RFX3: variants seen among roughly 807,000 people sequenced by gnomAD.
RFX3 encodes the protein transcription factor RFX3.
Under a neutral mutation model 98.6 loss-of-function variants are expected in RFX3, and 14 were observed. The ratio of observed to expected loss-of-function variants is 0.14; its 90% CI spans 0.09 to 0.22. The LOEUF (loss-of-function observed/expected upper bound fraction) is 0.22. RFX3 is among the 10% of genes least tolerant of loss of function. The probability of loss-of-function intolerance (pLI) is 1.00; values close to 1 mark genes in which losing one functional copy is unlikely to be tolerated. For missense variants in RFX3, 639 were observed against 926.9 expected (o/e 0.69, Z 4.03); for synonymous variants, 383 against 328.4 (o/e 1.17, Z -1.80).
chr9:3,524,854 CA>C lies in RFX3; in HGVS notation c.-9+892del, dbSNP rs1195906245. 1.4e-4 allele frequency among the ~76,000 whole-genome samples: 21 copies of C among 151,200 alleles called. No homozygotes were observed. In the South Asian group the frequency reaches 2.3e-3, roughly 17 times the overall value. On this transcript the variant is annotated intron_variant, in intron 1 of 16. Transcript: ENST00000617270. ...ACACACACACACACACACACACACA[CA>C]CACACACACACACACACACACACCA...
intron 1 of RFX3, among the ~76,000 whole-genome samples, chr9:3,491,038 C>T (rs542579222): frequency 2.0e-5 from 3 of 152,160 alleles, no homozygotes; most frequent in South Asian, 2.1e-4. Flanking sequence ...TAAAGAGCAT[C>T]GTAGTTACCC....
chr9:3,375,310 T>C (rs1337200287), intron 2 of RFX3, among the ~76,000 whole-genome samples: 1 of 152,210 alleles, frequency 6.6e-6, no homozygotes, highest in Non-Finnish European at 1.5e-5. Context: ...GCTGTGCACA[T>C]GTCTGCCATT....
intron 1 of RFX3, among the ~76,000 whole-genome samples, chr9:3,401,142 A>G (rs1463818842): frequency 3.3e-5 from 5 of 152,242 alleles, no homozygotes; most frequent in African/African-American, 1.2e-4. Context: ...CTCTTTCAAC[A>G]GAGACCATAA....
chr9:3,478,866 A>G (rs565179197), intron 1 of RFX3, among the ~76,000 whole-genome samples: 1 of 152,290 alleles, frequency 6.6e-6, no homozygotes, highest in South Asian at 2.1e-4. Flanking sequence ...CATTTTGCCA[A>G]CAGTTTGCTA....
chr9:3,423,800 T>TATATACAC (rs1554704364), intron 1 of RFX3, among the ~76,000 whole-genome samples: 2 of 133,506 alleles, frequency 1.5e-5, no homozygotes, highest in East Asian at 4.1e-4. Context: ...TATATATATA[T>TATATACAC]ATATATATAT....
intron 1 of RFX3, among the ~76,000 whole-genome samples, chr9:3,424,372 T>TGG (rs1285931862): frequency 0.021 from 2,556 of 122,930 alleles, 38 homozygotes; most frequent in Non-Finnish European, 0.035. Context: ...TTTTTTTTTT[T>TGG]TTTTTTTGAG....
intron 1 of RFX3, among the ~76,000 whole-genome samples, chr9:3,494,226 A>G (rs1293928216): frequency 6.6e-6 from 1 of 152,184 alleles, no homozygotes; most frequent in Non-Finnish European, 1.5e-5. Flanking sequence ...ATATATTTGC[A>G]TAGACTCTGG....
Position 3,525,778 on chromosome 9 carries a change from G to T in RFX3, c.-40C>A. On this transcript the variant is annotated 5_prime_UTR_variant, in exon 1 of 17. Transcript: ENST00000617270. ...TGTGGATTATTGTGGTGTTGTTGGT[G>T]GGTGATGGAGATGGTGGTGGTGGGG... 1 of 458,570 alleles carries T rather than the reference G, an allele frequency of 2.2e-6. No individual in the cohort carries two copies. The allele number at this position is 458,570 out of a possible 1,614,324, so 28.4% of individuals were successfully genotyped here.
intron 12 of RFX3, 137 bp from the exon 13 acceptor site, chr9:3,263,221 G>C: frequency 1.1e-6 from 1 of 911,254 alleles, no homozygotes; most frequent in Non-Finnish European, 1.7e-6. Flanking sequence ...TGGTGAGAGA[G>C]TTTACTTGTA....
chr9:3,447,825 G>C (rs980505956), intron 1 of RFX3, among the ~76,000 whole-genome samples: 22 of 149,282 alleles, frequency 1.5e-4, no homozygotes, highest in African/African-American at 5.1e-4. Flanking sequence ...GAATTCAAAA[G>C]TCTCTGAAAT....
chr9:3,464,359 T>C (rs1848002111), intron 1 of RFX3, among the ~76,000 whole-genome samples: 1 of 152,200 alleles, frequency 6.6e-6, no homozygotes, highest in African/African-American at 2.4e-5. Flanking sequence ...ACTGTTTTAT[T>C]CATAATAGCT....
At chr9:3,488,675 G>A (rs920600160) in intron 1 of RFX3, 27 of 414,128 alleles carry the variant, frequency 6.5e-5, no homozygotes, top group African/African-American at 5.4e-4. Context: ...TGTTGTCAAG[G>A]CCTTAGACAC....
intron 4 of RFX3, among the ~76,000 whole-genome samples, chr9:3,325,895 T>G (rs998865240): frequency 2.0e-5 from 3 of 152,046 alleles, no homozygotes; most frequent in Non-Finnish European, 4.4e-5. Context: ...AGGGAAATAT[T>G]ATGTTGATAT....
intron 13 of RFX3, among the ~76,000 whole-genome samples, chr9:3,257,483 A>G (rs1221824001): frequency 6.6e-6 from 1 of 152,198 alleles, no homozygotes; most frequent in Non-Finnish European, 1.5e-5. Context: ...GTAAAAGACT[A>G]AAATACATGA....
At chr9:3,389,662 C>G (rs1254602804) in intron 2 of RFX3, among the ~76,000 whole-genome samples, 1 of 151,998 alleles carries the variant, frequency 6.6e-6, no homozygotes, top group Non-Finnish European at 1.5e-5. Flanking sequence ...CCACACCCGA[C>G]CTCAAGTAAT....
intron 2 of RFX3, among the ~76,000 whole-genome samples, chr9:3,382,113 G>A (rs1839255860): frequency 6.6e-6 from 1 of 152,136 alleles, no homozygotes; most frequent in Non-Finnish European, 1.5e-5. Flanking sequence ...GCTCACAGCA[G>A]TTTTAAACTC....
intron 14 of RFX3, among the ~76,000 whole-genome samples, chr9:3,252,616 G>C (rs1294209264): frequency 6.6e-6 from 1 of 152,164 alleles, no homozygotes; most frequent in Non-Finnish European, 1.5e-5. Context: ...GGAAGGCAGT[G>C]AGCAAAGAGA....
In RFX3 at chr9:3,266,302, G is replaced by A. The variant is rs752361758; in HGVS notation, c.1361C>T (p.Ala454Val). The change falls in exon 12 of 17, where the codon GCC becomes GTC. Residue 454 changes from alanine to valine, a missense_variant. Ala to Val is a moderately conservative substitution (Grantham distance 64). Transcript: ENST00000617270. ...AAAATTTCGAATGGCTTGGGTCAAG[G>A]CACCTAAACATTAAAGAATAAAAGC... ...IPDVLRPIPS[A>V]LTQAIRNFAK... The A allele has an allele frequency of 1.9e-6, 3 of 1,599,950 alleles. No homozygotes were observed. Among genetic ancestry groups the A allele is most frequent in the Admixed American group, 1.7e-5 (1 of 59,656 alleles).
At chr9:3,426,660 C>T (rs1215331816) in intron 1 of RFX3, among the ~76,000 whole-genome samples, 2 of 152,082 alleles carry the variant, frequency 1.3e-5, no homozygotes, top group African/African-American at 2.4e-5. Flanking sequence ...GAATGCAAAC[C>T]CTGTTGTGAA....
Sources: allele counts gnomAD v4.1 joint callset (sites outside exome capture counted in the v4.1 genomes callset), GRCh38; gene constraint gnomAD v4.1.1; transcripts MANE v1.5; gene names NCBI Gene and HGNC (gene_info 2026-07-23, HGNC 2026-07-21).